Variants in TASP1 observed in about 807,000 individuals in gnomAD.
TASP1 encodes the protein taspase 1, also known as threonine aspartase 1.
A neutral mutation model predicts 56.6 loss-of-function variants in TASP1; 16 were observed. That is an observed-to-expected ratio of 0.28 (90% CI 0.19 to 0.43). TASP1 has a LOEUF of 0.43. TASP1 is among the 20% of genes least tolerant of loss of function. TASP1 has a pLI of 1.00. For missense variants in TASP1, 393 were observed against 511.6 expected, an observed-to-expected ratio of 0.77 and a Z score of 2.24; for synonymous variants, 179 against 184.2, an observed-to-expected ratio of 0.97 and a Z score of 0.23.
intron 2 of TASP1, among the ~76,000 whole-genome samples, chr20:13,626,207 T>C (rs1184155699): frequency 6.6e-6 from 1 of 152,072 alleles, no homozygotes; most frequent in East Asian, 1.9e-4. Context: ...GGAGGATCAC[T>C]TGAGGCCAGG....
At chr20:13,154,583 G>A in the TASP1 span, among the ~76,000 whole-genome samples, 1 of 152,132 alleles carries the variant, frequency 6.6e-6, no homozygotes, top group Non-Finnish European at 1.5e-5. Flanking sequence ...TCAAGCGTGG[G>A]GAAGCTGAGG....
chr20:13,138,053 T>A, the TASP1 span, among the ~76,000 whole-genome samples: 1 of 152,132 alleles, frequency 6.6e-6, no homozygotes, highest in Non-Finnish European at 1.5e-5. Context: ...TCCCTAAACA[T>A]CCTTTCTAAA....
intron 13 of TASP1, chr20:13,393,257 G>A (rs2041362725): frequency 2.7e-6 from 2 of 740,552 alleles, no homozygotes; most frequent in Non-Finnish European, 5.0e-6. Flanking sequence ...CCGGGAAACT[G>A]TGGCATGAGG....
At chr20:13,578,537 A>AT (rs1300552949) in intron 6 of TASP1, among the ~76,000 whole-genome samples, 1 of 151,906 alleles carries the variant, frequency 6.6e-6, no homozygotes, top group Non-Finnish European at 1.5e-5. Flanking sequence ...ATCTTAATAT[A>AT]TTTTTTGCTG....
the TASP1 span, among the ~76,000 whole-genome samples, chr20:13,186,428 T>A: frequency 3.1e-3 from 473 of 152,226 alleles, 2 homozygotes; most frequent in African/African-American, 0.011. Context: ...ACAGTGGACA[T>A]GACCCTAAGG....
At chr20:13,111,694 C>T in the TASP1 span, among the ~76,000 whole-genome samples, 2 of 152,172 alleles carry the variant, frequency 1.3e-5, no homozygotes, top group African/African-American at 4.8e-5. Flanking sequence ...ATCTAAACAC[C>T]TGTCATTCAG....
At chr20:13,519,552 C>A (rs1304815949) in intron 10 of TASP1, among the ~76,000 whole-genome samples, 4 of 152,070 alleles carry the variant, frequency 2.6e-5, no homozygotes, top group African/African-American at 9.7e-5. Context: ...GCAGAAAAGG[C>A]CTTTGACAAA....
the TASP1 span, among the ~76,000 whole-genome samples, chr20:13,159,809 GTGAC>G: frequency 6.6e-6 from 1 of 152,128 alleles, no homozygotes; most frequent in South Asian, 2.1e-4. Context: ...GTGGCACCAA[GTGAC>G]TGACTGCCTG....
chr20:13,262,834 G>C, the TASP1 span, among the ~76,000 whole-genome samples: 1 of 152,188 alleles, frequency 6.6e-6, no homozygotes, highest in Non-Finnish European at 1.5e-5. Context: ...CAAATGCAAA[G>C]AGTTGCCCAT....
chr20:13,336,387 T>C, the TASP1 span, among the ~76,000 whole-genome samples: 1 of 152,152 alleles, frequency 6.6e-6, no homozygotes, highest in Non-Finnish European at 1.5e-5. Context: ...CCTCCTCTTA[T>C]CTCCCAGGGA....
intron 6 of TASP1, among the ~76,000 whole-genome samples, chr20:13,577,169 A>T (rs1415433067): frequency 6.6e-6 from 1 of 152,126 alleles, no homozygotes; most frequent in Non-Finnish European, 1.5e-5. Context: ...AGTACATGTT[A>T]AATCTCTTCT....
intron 4 of TASP1, among the ~76,000 whole-genome samples, chr20:13,622,536 G>A (rs2048751596): frequency 6.6e-6 from 1 of 152,164 alleles, no homozygotes; most frequent in Non-Finnish European, 1.5e-5. Context: ...AATTAAGCAT[G>A]AGAATATACA....
the TASP1 span, among the ~76,000 whole-genome samples, chr20:13,106,345 A>G: frequency 5.9e-5 from 9 of 152,208 alleles, no homozygotes; most frequent in Admixed American, 5.9e-4. Context: ...ACTTCATGGA[A>G]GAGAGACATG....
intron 13 of TASP1, 21 bp from the exon 14 acceptor site, chr20:13,390,473 C>G (rs1287372111): frequency 5.0e-6 from 8 of 1,605,580 alleles, no homozygotes; most frequent in Non-Finnish European, 6.8e-6. Flanking sequence ...AGAGAGACAG[C>G]AGAGCATCAG....
At chr20:13,320,176 G>T in the TASP1 span, among the ~76,000 whole-genome samples, 1 of 152,224 alleles carries the variant, frequency 6.6e-6, no homozygotes, top group Admixed American at 6.5e-5. Flanking sequence ...GGGCTCATGG[G>T]TCCTGGAAGA....
At chr20:13,515,089 AGC>A (rs1490798487) in intron 10 of TASP1, among the ~76,000 whole-genome samples, 1 of 152,156 alleles carries the variant, frequency 6.6e-6, no homozygotes, top group Non-Finnish European at 1.5e-5. Context: ...TTTTCAAGTT[AGC>A]AGTTTGTTGT....
intron 10 of TASP1, among the ~76,000 whole-genome samples, chr20:13,523,292 G>A (rs901260647): frequency 6.6e-6 from 1 of 152,164 alleles, no homozygotes; most frequent in Non-Finnish European, 1.5e-5. Flanking sequence ...AATGACTGCT[G>A]CTAAATAGAA....
At chr20:13,429,985 T>C (rs1030128362) in intron 12 of TASP1, among the ~76,000 whole-genome samples, 1 of 151,976 alleles carries the variant, frequency 6.6e-6, no homozygotes, top group Non-Finnish European at 1.5e-5. Context: ...GGAGCAATAA[T>C]GGAGACGGGA....
At chr20:13,278,421 G>A in the TASP1 span, among the ~76,000 whole-genome samples, 1 of 152,156 alleles carries the variant, frequency 6.6e-6, no homozygotes, top group African/African-American at 2.4e-5. Flanking sequence ...TTGTACTTAT[G>A]TCTCTATACA....
Sources: allele counts gnomAD v4.1 joint callset (sites outside exome capture counted in the v4.1 genomes callset), GRCh38; gene constraint gnomAD v4.1.1; transcripts MANE v1.5; gene names NCBI Gene and HGNC (gene_info 2026-07-23, HGNC 2026-07-21).